The following INSYN2B variants were observed in gnomAD, a reference collection of about 807,000 sequenced individuals.
INSYN2B encodes the protein protein INSYN2B.
In INSYN2B, 16 loss-of-function variants were observed where a neutral mutation model predicts 41.2. That is an observed-to-expected ratio of 0.39 (90% CI 0.26 to 0.59). The LOEUF is 0.59. Ranked by LOEUF, INSYN2B falls within the 20% of genes least tolerant of loss-of-function variation. The probability of loss-of-function intolerance (pLI) is 0.57; values close to 1 mark genes in which losing one functional copy is unlikely to be tolerated. For synonymous variants in INSYN2B, 245 were observed against 244.4 expected (o/e 1.00, Z -0.02); for missense variants, 608 against 646.4 (o/e 0.94, Z 0.64).
chr5:169,866,048 T>C (rs1771532798), intron 3 of INSYN2B, among the ~76,000 whole-genome samples: 1 of 143,738 alleles, frequency 7.0e-6, no homozygotes, highest in Admixed American at 6.8e-5. Flanking sequence ...GGGGGCCTGT[T>C]TTATAGCAAG....
intron 1 of INSYN2B, among the ~76,000 whole-genome samples, chr5:169,976,483 C>A (rs1387874339): frequency 1.3e-5 from 2 of 152,080 alleles, no homozygotes; most frequent in Non-Finnish European, 2.9e-5. Flanking sequence ...AATGTAGGGC[C>A]CTGGGCAAAA....
chr5:169,905,325 CTG>C (rs1774219096), intron 1 of INSYN2B, among the ~76,000 whole-genome samples: 1 of 149,374 alleles, frequency 6.7e-6, no homozygotes, highest in Non-Finnish European at 1.5e-5. Context: ...AGCCAGAACT[CTG>C]TGTTAAATAT....
At chr5:169,931,906 G>A (rs781039081) in intron 1 of INSYN2B, among the ~76,000 whole-genome samples, 1 of 152,164 alleles carries the variant, frequency 6.6e-6, no homozygotes, top group African/African-American at 2.4e-5. Context: ...CTGTGGGTCA[G>A]GGAAAATATC....
chr5:169,974,682 AG>A (rs1175853755), intron 1 of INSYN2B, among the ~76,000 whole-genome samples: 1 of 152,140 alleles, frequency 6.6e-6, no homozygotes, highest in Non-Finnish European at 1.5e-5. Flanking sequence ...GATTTTTCTC[AG>A]GGAGGTGTGA....
chr5:169,880,848 TACTC>T (rs1338302932), intron 3 of INSYN2B, among the ~76,000 whole-genome samples: 1 of 152,218 alleles, frequency 6.6e-6, no homozygotes, highest in Non-Finnish European at 1.5e-5. Context: ...GCAGCAAACT[TACTC>T]TGTGCTAGAA....
intron 1 of INSYN2B, among the ~76,000 whole-genome samples, chr5:169,896,056 C>A (rs1581376397): frequency 6.6e-6 from 1 of 152,180 alleles, no homozygotes; most frequent in East Asian, 1.9e-4. Flanking sequence ...ACCAGGACAG[C>A]CTTTCTGTTT....
At chr5:169,934,529 C>T (rs775361710) in intron 1 of INSYN2B, 1 of 405,968 alleles carries the variant, frequency 2.5e-6, no homozygotes, top group East Asian at 7.2e-5. Flanking sequence ...CACATTTCTT[C>T]CAGCCTAATT....
intron 1 of INSYN2B, among the ~76,000 whole-genome samples, chr5:169,886,574 T>C (rs1022979085): frequency 1.3e-5 from 2 of 152,196 alleles, no homozygotes; most frequent in Admixed American, 1.3e-4. Context: ...GTAACAAATA[T>C]GTATTAACAA....
rs555575123 is a variant in INSYN2B, at chr5:169,861,906, A to G, written c.*2367T>C. Among the ~76,000 whole-genome samples, 133 of 150,774 alleles carry G rather than the reference A, an allele frequency of 8.8e-4. No individual in the cohort carries two copies. Among genetic ancestry groups the G allele is most frequent in the Non-Finnish European group, 1.7e-3 (114 of 67,754 alleles). On this transcript the variant is annotated 3_prime_UTR_variant, in exon 4 of 4. Transcript: ENST00000377365. The stretch of plus-strand genomic sequence containing the variant: ...TGGCTGTATTTCTAGAAATGTCAAC[A>G]TTTTATTTATTTTTTTCTTTTCTTT...
At position 169,864,344 on chromosome 5, in the gene INSYN2B, G is replaced by C. The variant is rs747532181; in HGVS notation, c.1537C>G (p.Pro513Ala). 3.9e-6 allele frequency: 6 copies of C among 1,551,472 alleles called. No homozygotes were observed. Among genetic ancestry groups the C allele is most frequent in the Middle Eastern group, 1.7e-4 (1 of 6,014 alleles). ...SPPPKSPAEPPAPEKQDLRRK... is the reference protein window; with the variant it reads ...SPPPKSPAEPAAPEKQDLRRK... ...CTTAAGTCCTGCTTTTCCGGGGCTG[G>C]GGGTTCTGCTGGGGACTTTGGTGGG... Residue 513 changes from proline to alanine, a missense_variant, in exon 4 of 4, where the codon CCA becomes GCA. Transcript: ENST00000377365.
At chr5:169,907,620 CT>C (rs2113607812) in intron 1 of INSYN2B, among the ~76,000 whole-genome samples, 1 of 152,290 alleles carries the variant, frequency 6.6e-6, no homozygotes, top group South Asian at 2.1e-4. Flanking sequence ...GTTCAATTAC[CT>C]CTGTTCTACA....
At chr5:169,892,966 C>G (rs1230028538) in intron 1 of INSYN2B, among the ~76,000 whole-genome samples, 1 of 152,132 alleles carries the variant, frequency 6.6e-6, no homozygotes, top group Non-Finnish European at 1.5e-5. Flanking sequence ...CCTCCCTGCT[C>G]TTTGTCTCAC....
chr5:169,956,611 C>T (rs1314794097), intron 1 of INSYN2B, among the ~76,000 whole-genome samples: 2 of 152,166 alleles, frequency 1.3e-5, no homozygotes, highest in Non-Finnish European at 2.9e-5. Flanking sequence ...TCCTGAAAAG[C>T]TATCTGCTAA....
chr5:169,942,562 T>G (rs1385796174), intron 1 of INSYN2B, among the ~76,000 whole-genome samples: 3 of 152,232 alleles, frequency 2.0e-5, no homozygotes, highest in African/African-American at 7.2e-5. Context: ...TAATTTTCCC[T>G]CCCAAGTTCC....
chr5:169,876,895 C>G (rs1166193006), intron 3 of INSYN2B, among the ~76,000 whole-genome samples: 1 of 152,184 alleles, frequency 6.6e-6, no homozygotes, highest in Non-Finnish European at 1.5e-5. Context: ...TAATAAGAAC[C>G]TACTGAGCAC....
intron 1 of INSYN2B, among the ~76,000 whole-genome samples, chr5:169,915,602 A>G (rs1774832223): frequency 6.7e-6 from 1 of 150,274 alleles, no homozygotes; most frequent in African/African-American, 2.5e-5. Context: ...ACACACACAC[A>G]GAGGGAGGGA....
chr5:169,959,985 A>T (rs896247178), intron 1 of INSYN2B, among the ~76,000 whole-genome samples: 1 of 152,230 alleles, frequency 6.6e-6, no homozygotes, highest in Non-Finnish European at 1.5e-5. Flanking sequence ...GTTAAATTAA[A>T]TTCGACCATG....
chr5:169,872,049 G>A (rs1259429797), intron 3 of INSYN2B, among the ~76,000 whole-genome samples: 3 of 152,160 alleles, frequency 2.0e-5, no homozygotes, highest in African/African-American at 7.2e-5. Context: ...ACAAGCCACT[G>A]CCATCAACTA....
intron 1 of INSYN2B, among the ~76,000 whole-genome samples, chr5:169,972,593 TAGATA>T (rs1777558579): frequency 1.0e-4 from 14 of 135,444 alleles, no homozygotes; most frequent in African/African-American, 3.1e-4. Context: ...AGATGATAGA[TAGATA>T]GATAGATAGA....
Sources: allele counts gnomAD v4.1 joint callset (sites outside exome capture counted in the v4.1 genomes callset), GRCh38; gene constraint gnomAD v4.1.1; transcripts MANE v1.5; gene names NCBI Gene and HGNC (gene_info 2026-07-23, HGNC 2026-07-21).